ADA2: variants seen among roughly 807,000 people sequenced by gnomAD.
ADA2 encodes adenosine deaminase CECR1.
A neutral mutation model predicts 44.2 loss-of-function variants in ADA2; 29 were observed. The observed-to-expected ratio is 0.66, with a 90% CI of 0.49 to 0.89. The LOEUF (loss-of-function observed/expected upper bound fraction) is 0.89. Among genes scored for constraint, ADA2 ranks in the 40% least tolerant of loss-of-function variants. ADA2 has a pLI of 0.00. For missense variants in ADA2, 637 were observed against 644.8 expected (o/e 0.99, Z 0.13); for synonymous variants, 215 against 234.9 (o/e 0.92, Z 0.77).
intron 4 of ADA2, chr22:17,192,891 T>A (rs1031593951): frequency 1.2e-5 from 6 of 510,860 alleles, no homozygotes; most frequent in African/African-American, 2.0e-5. Flanking sequence ...GGCAGCCATC[T>A]CCTCTTTGGC....
In ADA2 at chr22:17,178,884, G is replaced by A. The variant is rs9617963; in HGVS notation, c.*2599C>T. 0.24 allele frequency: 36,381 copies of A among 151,924 alleles called. 4,531 individuals are homozygous for A. Among genetic ancestry groups the A allele is most frequent in the Middle Eastern group, 0.34 (100 of 292 alleles). The allele number at this position is 151,924 out of a possible 1,614,324, so 9.4% of individuals were successfully genotyped here. A position where few individuals can be genotyped will look rare whatever the true frequency, so the allele number is the denominator to read the frequency against. On this transcript the variant is annotated 3_prime_UTR_variant, in exon 10 of 10. Coordinates refer to ENST00000399837, the MANE Select transcript of ADA2 (RefSeq NM_001282225.2). ...TCTGCCTGTGTTGGAGGTCCCCTGC[G>A]CAGTTGGGACCTAAAAGATCTTCAG...
intron 1 of ADA2, among the ~76,000 whole-genome samples, chr22:17,211,661 G>A (rs1168294886): frequency 2.0e-5 from 3 of 152,094 alleles, no homozygotes; most frequent in African/African-American, 7.2e-5. Context: ...CAGGCGCAGT[G>A]GCTCACCCCT....
chr22:17,213,587 G>T, intron 1 of ADA2: 2 of 291,032 alleles, frequency 6.9e-6, no homozygotes, highest in Non-Finnish European at 1.4e-5. Context: ...CCAAGCGGAA[G>T]AAGAAAAAGA....
chr22:17,199,686 G>C (rs1601449019), intron 4 of ADA2: 2 of 1,584,514 alleles, frequency 1.3e-6, no homozygotes, highest in East Asian at 2.3e-5. Context: ...TGAGGAAAGC[G>C]ACGAACTTAG....
At chr22:17,219,495 A>G (rs2062504598), upstream of ADA2, 1 of 152,320 alleles carries the variant, frequency 6.6e-6, no homozygotes, top group Admixed American at 6.6e-5. Context: ...GGATCCAACT[A>G]GAGGCCGGGG....
At chr22:17,204,987 G>A (rs1366482485) in intron 3 of ADA2, among the ~76,000 whole-genome samples, 3 of 150,988 alleles carry the variant, frequency 2.0e-5, no homozygotes, top group South Asian at 4.2e-4. Flanking sequence ...TTGAGATGGG[G>A]ATCTCACTAT....
Position 17,190,467 on chromosome 22 carries a change from G to A in ADA2, c.882-435C>T, listed in dbSNP as rs148134621. On this transcript the variant is annotated intron_variant, in intron 5 of 9. Coordinates refer to ENST00000399837, the MANE Select transcript of ADA2 (RefSeq NM_001282225.2). The stretch of plus-strand genomic sequence containing the variant: ...AGGTCACCCAAGTCCCTGATGGGTC[G>A]GCTGGACCCAGTAACCATATGGCCT... 4.9e-3 allele frequency among the ~76,000 whole-genome samples: 753 copies of A among 152,286 alleles called. 4 individuals carry two copies. Among genetic ancestry groups the A allele is most frequent in the African/African-American group, 0.017 (697 of 41,544 alleles).
At chr22:17,212,182 G>A (rs1420806844) in intron 1 of ADA2, among the ~76,000 whole-genome samples, 5 of 151,672 alleles carry the variant, frequency 3.3e-5, no homozygotes, top group African/African-American at 7.3e-5. Context: ...GTGCCACCAC[G>A]CCCGGCTAAT....
chr22:17,208,024 C>A (rs893888640), intron 2 of ADA2, among the ~76,000 whole-genome samples: 7 of 152,122 alleles, frequency 4.6e-5, no homozygotes, highest in African/African-American at 1.7e-4. Flanking sequence ...GCCCCTGGCC[C>A]TGACACGAGC....
chr22:17,198,369 A>G (rs1007072856), intron 4 of ADA2, among the ~76,000 whole-genome samples: 4 of 152,202 alleles, frequency 2.6e-5, no homozygotes, highest in Non-Finnish European at 5.9e-5. Flanking sequence ...CACTGTTCCA[A>G]TCGACAGACA....
In ADA2 at chr22:17,209,384, C is replaced by T; in HGVS notation, c.294G>A (p.Val98=). 2.5e-6 allele frequency: 4 copies of T among 1,614,042 alleles called. No individual in the cohort carries two copies. The highest frequency in any genetic ancestry group is 3.4e-6 in the Non-Finnish European group (4 of 1,180,008). ...TTGGCATCATCCTTAGAATATTAAA[C>T]ACTTGACTTCTCTCAATGAGATGCT... ...QAKHLIERSQ[V]FNILRMMPKG... Residue 98 remains valine (V), a synonymous_variant, in exon 2 of 10, where the codon GTG becomes GTA. Coordinates refer to ENST00000399837, the MANE Select transcript of ADA2 (RefSeq NM_001282225.2).
rs1051351715 is a variant in ADA2 at position 17,211,937 on chromosome 22, G to GA, written c.-46-2215dup. On this transcript the variant is annotated intron_variant, in intron 1 of 9. Transcript: ENST00000399837. ...GTGAGACTCCGTCTCAAAAAAAGAG[G>GA]AAAAAAAAATTAATTAATTAATTAA... Among the ~76,000 whole-genome samples the GA allele has an allele frequency of 6.7e-5, 10 of 149,854 alleles. No individual in the cohort carries two copies. The South Asian group carries it at 1.7e-3, about 25-fold the overall frequency.
At chr22:17,185,699 A>G (rs1240407511) in intron 7 of ADA2, among the ~76,000 whole-genome samples, 5 of 152,086 alleles carry the variant, frequency 3.3e-5, no homozygotes, top group Non-Finnish European at 1.5e-5. Context: ...ACTTTGATCT[A>G]AATTGGATCT....
rs779056440 is a variant in ADA2 at position 17,203,677 on chromosome 22, G to C, written c.639C>G (p.Thr213=). ...VWSKFETIFF[T]ISGLIHYAPV... is the part of the protein sequence containing the mutation. The stretch of plus-strand genomic sequence containing the variant: ...GTGCGTAATGGATGAGACCAGAGAT[G>C]GTGAAGAAGATGGTTTCAAATTTCG... The change falls in exon 4 of 10, where the codon ACC becomes ACG. Residue 213 remains threonine (T), a synonymous_variant. Transcript: ENST00000399837. 1 of 1,613,964 alleles carries C rather than the reference G, an allele frequency of 6.2e-7. No homozygotes were observed. The highest frequency in any genetic ancestry group is 1.7e-5 in the Admixed American group (1 of 60,014).
chr22:17,199,446 T>TCCCCACCTCTATCCTCATCCCCA, intron 4 of ADA2: 1 of 917,626 alleles, frequency 1.1e-6, no homozygotes, highest in Non-Finnish European at 1.7e-6. Flanking sequence ...CCTCTTCCCC[T>TCCCCACCTCTATCCTCATCCCCA]CCACCCACGA....
chr22:17,207,925 T>C lies in ADA2; in HGVS notation c.323-635A>G, dbSNP rs1339544133. Among the ~76,000 whole-genome samples, 6 of 152,214 alleles carry C rather than the reference T, an allele frequency of 3.9e-5. No homozygotes were observed. In the East Asian group the frequency reaches 5.8e-4, roughly 15 times the overall value. On this transcript the variant is annotated intron_variant, in intron 2 of 9. Transcript: ENST00000399837. The stretch of plus-strand genomic sequence containing the variant: ...GCAGGCTTTGCCAGTTGAATCCCCA[T>C]GCTTGTCCTCCCCACCAGACACCAG...
intron 4 of ADA2, among the ~76,000 whole-genome samples, chr22:17,195,149 G>A (rs1423895777): frequency 6.6e-6 from 1 of 152,116 alleles, no homozygotes; most frequent in Non-Finnish European, 1.5e-5. Flanking sequence ...TTGTTAAAAT[G>A]GAATATAAGC....
At chr22:17,218,523 C>G (rs1170814719) in intron 1 of ADA2, among the ~76,000 whole-genome samples, 1 of 152,060 alleles carries the variant, frequency 6.6e-6, no homozygotes, top group African/African-American at 2.4e-5. Flanking sequence ...GTCACCATCC[C>G]ACCTACCCCA....
chr22:17,183,045 G>C (rs2061991756), intron 7 of ADA2, among the ~76,000 whole-genome samples: 1 of 152,086 alleles, frequency 6.6e-6, no homozygotes, highest in African/African-American at 2.4e-5. Flanking sequence ...ATTGACCAAG[G>C]ATGTTCACAC....
Sources: gnomAD v4.1 joint callset for allele counts (sites outside exome capture counted in the v4.1 genomes callset) on GRCh38, gnomAD v4.1.1 for gene constraint, MANE v1.5 for transcripts, NCBI Gene and HGNC (gene_info 2026-07-23, HGNC 2026-07-21) for gene names.